TTC28: variants seen among roughly 807,000 people sequenced by gnomAD.
TTC28 encodes the protein tetratricopeptide repeat protein 28.
TTC28 carries 61 observed loss-of-function variants against 198.0 expected under a neutral mutation model. The ratio of observed to expected loss-of-function variants is 0.31; its 90% CI spans 0.25 to 0.38. The LOEUF (loss-of-function observed/expected upper bound fraction) is 0.38, where lower values mean the gene tolerates loss of function less well. TTC28 is among the 10% of genes least tolerant of loss of function. The pLI is 1.00. For missense variants in TTC28, 2,678 were observed against 3,164.0 expected (o/e 0.85, Z 3.69); for synonymous variants, 1,171 against 1,297.8 (o/e 0.90, Z 2.10).
intron 2 of TTC28, among the ~76,000 whole-genome samples, chr22:28,392,122 C>G (rs1203439419): frequency 3.3e-5 from 5 of 152,196 alleles, no homozygotes; most frequent in African/African-American, 4.8e-5. Flanking sequence ...CAGTCTGCCC[C>G]TGGTGGGGGA....
chr22:28,351,107 C>T (rs1335826283), intron 2 of TTC28, among the ~76,000 whole-genome samples: 2 of 151,724 alleles, frequency 1.3e-5, no homozygotes, highest in East Asian at 2.0e-4. Context: ...GGCATGAACC[C>T]GGGAGCGGAG....
intron 13 of TTC28, among the ~76,000 whole-genome samples, chr22:28,015,929 G>A (rs1938354483): frequency 6.6e-6 from 1 of 151,442 alleles, no homozygotes; most frequent in South Asian, 2.1e-4. Context: ...TGCTGGTCCA[G>A]ACCAGGAGCT....
intron 2 of TTC28, among the ~76,000 whole-genome samples, chr22:28,567,479 C>CATACAT (rs751694635): frequency 5.9e-5 from 3 of 51,144 alleles, no homozygotes; most frequent in East Asian, 9.7e-4. Context: ...TACATACATA[C>CATACAT]ATATATATAT....
chr22:28,245,216 A>G (rs1306816406), intron 5 of TTC28, among the ~76,000 whole-genome samples: 1 of 152,166 alleles, frequency 6.6e-6, no homozygotes, highest in African/African-American at 2.4e-5. Flanking sequence ...TATTTAACGG[A>G]TGCATGAAAA....
rs559231563 is a variant in TTC28, at chr22:28,094,498, C to A, written c.3767-253G>T. 3.0e-3 allele frequency among the ~76,000 whole-genome samples: 458 copies of A among 152,276 alleles called. 2 individuals carry two copies. Among genetic ancestry groups the A allele is most frequent in the African/African-American group, 0.011 (437 of 41,550 alleles). ...GGAATTCAAGATACAGCCTCAGAAG[C>A]TCCTGGAATTATGACTACTTCATAT... On this transcript the variant is annotated intron_variant, in intron 11 of 22. Transcript: ENST00000397906.
intron 5 of TTC28, among the ~76,000 whole-genome samples, chr22:28,278,411 ATACT>A (rs1248318351): frequency 2.6e-5 from 4 of 152,236 alleles, no homozygotes; most frequent in African/African-American, 4.8e-5. Context: ...TATGGATAAA[ATACT>A]TAATTAATTT....
At chr22:28,174,800 G>C (rs1923002310) in intron 5 of TTC28, among the ~76,000 whole-genome samples, 1 of 152,036 alleles carries the variant, frequency 6.6e-6, no homozygotes, top group South Asian at 2.1e-4. Context: ...TTCAACACAG[G>C]TACAATTAGG....
intron 2 of TTC28, among the ~76,000 whole-genome samples, chr22:28,540,160 A>G (rs1386001231): frequency 6.6e-6 from 1 of 151,838 alleles, no homozygotes; most frequent in Non-Finnish European, 1.5e-5. Flanking sequence ...ATTAGCCAGG[A>G]TGGTCTCTAT....
intron 2 of TTC28, among the ~76,000 whole-genome samples, chr22:28,317,737 CTG>C (rs1024134266): frequency 2.6e-5 from 4 of 152,158 alleles, no homozygotes; most frequent in African/African-American, 9.7e-5. Flanking sequence ...TTTAGTTTCC[CTG>C]TGTTGCCATA....
intron 5 of TTC28, among the ~76,000 whole-genome samples, chr22:28,194,128 T>G (rs991407537): frequency 6.6e-6 from 1 of 152,130 alleles, no homozygotes; most frequent in Non-Finnish European, 1.5e-5. Context: ...ATTAAGAAAC[T>G]CACTCAAAAC....
At chr22:28,081,954 A>C (rs985014932) in intron 12 of TTC28, among the ~76,000 whole-genome samples, 1 of 152,172 alleles carries the variant, frequency 6.6e-6, no homozygotes, top group African/African-American at 2.4e-5. Context: ...AGTTTTCAGT[A>C]TATGGGTCTT....
At chr22:28,205,295 C>T (rs555134220) in intron 5 of TTC28, among the ~76,000 whole-genome samples, 2 of 152,048 alleles carry the variant, frequency 1.3e-5, no homozygotes, top group East Asian at 3.9e-4. Context: ...TAAAGTTAGA[C>T]ATTTTTTCCT....
intron 12 of TTC28, among the ~76,000 whole-genome samples, chr22:28,070,785 T>G (rs1313950526): frequency 6.6e-6 from 1 of 152,174 alleles, no homozygotes; most frequent in East Asian, 1.9e-4. Flanking sequence ...TGTCTAACCT[T>G]GAGGTGATAA....
intron 12 of TTC28, among the ~76,000 whole-genome samples, chr22:28,034,609 C>T (rs920069662): frequency 6.6e-6 from 1 of 152,192 alleles, no homozygotes; most frequent in Admixed American, 6.5e-5. Context: ...CCTGGCTGGA[C>T]CCTGCCCTAG....
At chr22:28,642,586 T>C (rs1280407925) in intron 1 of TTC28, among the ~76,000 whole-genome samples, 1 of 152,112 alleles carries the variant, frequency 6.6e-6, no homozygotes, top group African/African-American at 2.4e-5. Context: ...ATCCTCCAGA[T>C]CAAAGAAAGA....
intron 2 of TTC28, among the ~76,000 whole-genome samples, chr22:28,347,697 C>A (rs1404795574): frequency 6.6e-6 from 1 of 152,142 alleles, no homozygotes; most frequent in Non-Finnish European, 1.5e-5. Context: ...CATGGTGAAA[C>A]CCCATCTCTA....
intron 13 of TTC28, among the ~76,000 whole-genome samples, chr22:28,026,653 G>C (rs1002888658): frequency 3.9e-5 from 6 of 152,138 alleles, no homozygotes; most frequent in Admixed American, 1.3e-4. Context: ...GTCTCTCACA[G>C]GGCACTAGAG....
At chr22:28,503,906 AAGT>A (rs1188394284) in intron 2 of TTC28, among the ~76,000 whole-genome samples, 1 of 152,250 alleles carries the variant, frequency 6.6e-6, no homozygotes, top group East Asian at 1.9e-4. Context: ...CTTCAGAAAA[AAGT>A]ATTTCCTATG....
intron 5 of TTC28, among the ~76,000 whole-genome samples, chr22:28,237,139 G>A (rs1249882518): frequency 1.3e-5 from 2 of 151,674 alleles, no homozygotes; most frequent in Admixed American, 6.6e-5. Flanking sequence ...ATGTGCTCTC[G>A]CTCGCTGGTG....
Sources: gnomAD v4.1 joint callset for allele counts (sites outside exome capture counted in the v4.1 genomes callset) on GRCh38, gnomAD v4.1.1 for gene constraint, MANE v1.5 for transcripts, NCBI Gene and HGNC (gene_info 2026-07-23, HGNC 2026-07-21) for gene names.